The following CLEC9A variants were observed in gnomAD, a reference collection of about 807,000 sequenced individuals.
The protein encoded by CLEC9A is C-type lectin domain family 9 member A.
A neutral mutation model predicts 30.0 loss-of-function variants in CLEC9A; 24 were observed. The observed-to-expected ratio is 0.80, with a 90% CI of 0.58 to 1.13. CLEC9A has a LOEUF of 1.13. CLEC9A is among the 50% of genes most tolerant of loss of function. The probability of loss-of-function intolerance (pLI) is 0.00; values close to 1 mark genes in which losing one functional copy is unlikely to be tolerated. For synonymous variants in CLEC9A, 111 were observed against 96.8 expected, an observed-to-expected ratio of 1.15 and a Z score of -0.86; for missense variants, 251 against 280.9, an observed-to-expected ratio of 0.89 and a Z score of 0.76.
intron 5 of CLEC9A, among the ~76,000 whole-genome samples, chr12:10,060,141 T>C (rs538833336): frequency 6.6e-6 from 1 of 152,362 alleles, no homozygotes; most frequent in African/African-American, 2.4e-5. Flanking sequence ...GAAAATAGCG[T>C]AGCAGTTTCT....
chr12:10,062,811 T>C (rs1181001240), intron 6 of CLEC9A, among the ~76,000 whole-genome samples: 1 of 152,100 alleles, frequency 6.6e-6, no homozygotes, highest in African/African-American at 2.4e-5. Context: ...GAGAAAAAAT[T>C]TAGTTAAATA....
chr12:10,065,147 T>C (rs1866032248), intron 8 of CLEC9A, among the ~76,000 whole-genome samples: 1 of 152,172 alleles, frequency 6.6e-6, no homozygotes, highest in Non-Finnish European at 1.5e-5. Flanking sequence ...GTTTAGAGAA[T>C]AACTATTTAT....
chr12:10,038,115 A>ACTC, intron 1 of CLEC9A, among the ~76,000 whole-genome samples: 1 of 152,308 alleles, frequency 6.6e-6, no homozygotes, highest in South Asian at 2.1e-4. Context: ...GAGATAAAAA[A>ACTC]CTCAGTGACA....
rs370523867 is a variant in CLEC9A, at chr12:10,064,728, A to G, written c.472-4A>G. On this transcript the variant is annotated splice_polypyrimidine_tract_variant and splice_region_variant and intron_variant, in intron 7 of 8. Transcript: ENST00000355819. Reference sequence around the variant, plus strand: ...CATTTCACAGTTCAATTTTTGTCTCATAGGATTTTATCACTGGCAGCTTGA... The same window carrying G: ...CATTTCACAGTTCAATTTTTGTCTCGTAGGATTTTATCACTGGCAGCTTGA... 7.5e-6 allele frequency: 10 copies of G among 1,327,010 alleles called. No homozygotes were observed. The African/African-American group carries it at 2.3e-4, about 30-fold the overall frequency. 82.2% of individuals were successfully genotyped at this position (1,327,010 alleles called of 1,614,324 possible). A position where few individuals can be genotyped will look rare whatever the true frequency, so the allele number is the denominator to read the frequency against.
chr12:10,060,630 T>G (rs1188423642), intron 5 of CLEC9A: 1 of 155,968 alleles, frequency 6.4e-6, no homozygotes, highest in East Asian at 1.9e-4. Flanking sequence ...AGTATCTTGA[T>G]TGTATCAATG....
intron 1 of CLEC9A, chr12:10,040,745 C>T (rs532899534): frequency 4.5e-5 from 7 of 155,930 alleles, no homozygotes; most frequent in East Asian, 1.9e-4. Flanking sequence ...CCACCGCACC[C>T]GGCCTATTGG....
chr12:10,064,062 A>G (rs1016994213), intron 7 of CLEC9A, among the ~76,000 whole-genome samples: 1 of 152,146 alleles, frequency 6.6e-6, no homozygotes, highest in Non-Finnish European at 1.5e-5. Flanking sequence ...TGTTGCCTTG[A>G]ATTCATTCTA....
chr12:10,053,794 T>C (rs1865916145), intron 4 of CLEC9A, among the ~76,000 whole-genome samples: 2 of 152,202 alleles, frequency 1.3e-5, no homozygotes, highest in Non-Finnish European at 1.5e-5. Context: ...GGAAAACTTG[T>C]TCGTCTTCCA....
chr12:10,064,995 C>A, intron 8 of CLEC9A, 142 bp downstream of exon 8: 1 of 984,042 alleles, frequency 1.0e-6, no homozygotes, highest in South Asian at 2.2e-5. Context: ...TTAAAGCTAA[C>A]AAAATTAAGA....
intron 1 of CLEC9A, chr12:10,040,837 T>C (rs566115944): frequency 5.8e-6 from 1 of 172,710 alleles, no homozygotes; most frequent in African/African-American, 2.4e-5. Flanking sequence ...TTATTTATTT[T>C]TTACATCTAG....
intron 4 of CLEC9A, 42 bp downstream of exon 4, chr12:10,052,820 TG>T: frequency 7.6e-6 from 12 of 1,585,124 alleles, no homozygotes; most frequent in South Asian, 1.1e-5. Context: ...TTAGAGTTCA[TG>T]TTTTTTTTTT....
intron 8 of CLEC9A, 66 bp from the exon 9 acceptor site, chr12:10,065,434 G>T: frequency 1.3e-6 from 2 of 1,590,314 alleles, no homozygotes; most frequent in Non-Finnish European, 1.7e-6. Context: ...CCTCTCATTA[G>T]TTACCCTCAG....
At chr12:10,051,203 C>G (rs1354967595) in intron 2 of CLEC9A, among the ~76,000 whole-genome samples, 4 of 145,332 alleles carry the variant, frequency 2.8e-5, no homozygotes, top group Middle Eastern at 3.6e-3. Flanking sequence ...GAAACTCTGT[C>G]TAAAAAAAAA....
chr12:10,039,726 A>G (rs954698468), intron 1 of CLEC9A, among the ~76,000 whole-genome samples: 1 of 152,078 alleles, frequency 6.6e-6, no homozygotes, highest in Non-Finnish European at 1.5e-5. Context: ...GCTTGTTTGT[A>G]TATTTGTTGA....
chr12:10,049,584 T>G (rs1865875747), intron 2 of CLEC9A, among the ~76,000 whole-genome samples: 2 of 152,242 alleles, frequency 1.3e-5, no homozygotes, highest in East Asian at 3.8e-4. Context: ...TTTCGTTTTT[T>G]TGTTAGAGAT....
At chr12:10,037,488 CGACTATG>C (rs1404382735) in intron 1 of CLEC9A, among the ~76,000 whole-genome samples, 15 of 141,466 alleles carry the variant, frequency 1.1e-4, no homozygotes, top group East Asian at 7.1e-4. Flanking sequence ...AAGAGGCCAC[CGACTATG>C]AAGAGGCCAC....
intron 2 of CLEC9A, among the ~76,000 whole-genome samples, chr12:10,043,813 C>G (rs1251571630): frequency 2.0e-5 from 3 of 151,994 alleles, no homozygotes; most frequent in Non-Finnish European, 4.4e-5. Flanking sequence ...TCCTGAGCAG[C>G]TGGGATTACA....
chr12:10,051,837 G>A (rs1591890496), intron 2 of CLEC9A, among the ~76,000 whole-genome samples, 154 bp from the exon 3 acceptor site: 2 of 152,318 alleles, frequency 1.3e-5, no homozygotes, highest in Admixed American at 1.3e-4. Context: ...GTCATCAAGA[G>A]CTTGCTGTGC....
chr12:10,050,856 A>C (rs1865887039), intron 2 of CLEC9A, among the ~76,000 whole-genome samples: 1 of 152,154 alleles, frequency 6.6e-6, no homozygotes, highest in Non-Finnish European at 1.5e-5. Context: ...ATGTGGGATT[A>C]GGTTACATTA....
Sources: allele counts gnomAD v4.1 joint callset (sites outside exome capture counted in the v4.1 genomes callset), GRCh38; gene constraint gnomAD v4.1.1; transcripts MANE v1.5; gene names NCBI Gene and HGNC (gene_info 2026-07-23, HGNC 2026-07-21).